Variants in RNPS1 observed in about 807,000 individuals in gnomAD.
The protein encoded by RNPS1 is RNA-binding protein with serine-rich domain 1.
For synonymous variants in RNPS1, 147 were observed against 150.0 expected (o/e 0.98, Z 0.15); for missense variants, 300 against 427.6 (o/e 0.70, Z 2.63).
intron 6 of RNPS1, among the ~76,000 whole-genome samples, chr16:2,261,824 G>C (rs1372874964): frequency 6.6e-6 from 1 of 152,178 alleles, no homozygotes; most frequent in African/African-American, 2.4e-5. Context: ...AATTACCCCA[G>C]CACTCACAGC....
chr16:2,260,700 A>G (rs192351840), intron 6 of RNPS1, among the ~76,000 whole-genome samples: 2 of 152,350 alleles, frequency 1.3e-5, no homozygotes, highest in Non-Finnish European at 2.9e-5. Flanking sequence ...TATCTCAGAT[A>G]AAAGGCCTAT....
intron 6 of RNPS1, chr16:2,258,432 A>G (rs2093588166): frequency 6.6e-6 from 1 of 152,230 alleles, no homozygotes; most frequent in Admixed American, 6.5e-5. Flanking sequence ...CCCACTAAGA[A>G]CTGGAATCCA....
In RNPS1 at chr16:2,262,313, T is replaced by A. The variant is rs751037590; in HGVS notation, c.641A>T (p.Asp214Val). 6 of 1,613,648 alleles carry A rather than the reference T, an allele frequency of 3.7e-6. No homozygotes were observed. The highest frequency in any genetic ancestry group is 1.3e-5 in the African/African-American group (1 of 74,916). ...GTGCTTCAGCGCCTTCTCGGCTTCA[T>A]CTGGATTCTCAAACTCTACGTACGC... Reference protein sequence around the residue: ...GYAYVEFENPDEAEKALKHMD... With the variant: ...GYAYVEFENPVEAEKALKHMD... The change falls in exon 6 of 8, where the codon GAT becomes GTT. Residue 214 changes from aspartate (D) to valine (V), a missense_variant. Transcript: ENST00000320225.
intron 1 of RNPS1, chr16:2,267,043 G>A: frequency 1.5e-5 from 6 of 401,348 alleles, no homozygotes; most frequent in Non-Finnish European, 2.0e-5. Flanking sequence ...AGATCTGCCC[G>A]AATGTACTTG....
intron 1 of RNPS1, chr16:2,266,103 G>C: frequency 5.1e-6 from 5 of 985,262 alleles, no homozygotes; most frequent in Non-Finnish European, 6.0e-6. Flanking sequence ...AGCTACTTCT[G>C]TCTCACCTTC....
intron 6 of RNPS1, chr16:2,257,329 T>A (rs2093583349): frequency 6.6e-6 from 1 of 152,180 alleles, no homozygotes; most frequent in Non-Finnish European, 1.5e-5. Context: ...CTCCGGCATG[T>A]GGCTATGTAT....
Position 2,253,632 on chromosome 16 carries a change from G to T in RNPS1, c.*332C>A. On this transcript the variant is annotated 3_prime_UTR_variant, in exon 8 of 8. Coordinates refer to ENST00000320225, the MANE Select transcript of RNPS1 (RefSeq NM_080594.4). ...GCCACCATCCCAGGTCATCGGGGAAGGGAAAAGTGTGCTCCCAGGTAAGCA... is the reference window on the plus strand; with the variant it reads ...GCCACCATCCCAGGTCATCGGGGAATGGAAAAGTGTGCTCCCAGGTAAGCA... The T allele has an allele frequency of 2.2e-6, 1 of 457,170 alleles. No homozygotes were observed. The highest frequency in any genetic ancestry group is 4.0e-6 in the Non-Finnish European group (1 of 249,412). 28.3% of individuals were successfully genotyped at this position (457,170 alleles called of 1,614,324 possible).
intron 6 of RNPS1, among the ~76,000 whole-genome samples, chr16:2,260,704 G>A (rs1307171415): frequency 6.6e-6 from 1 of 152,072 alleles, no homozygotes; most frequent in Admixed American, 6.6e-5. Context: ...TCAGATAAAA[G>A]GCCTATAGAA....
chr16:2,261,170 A>G (rs984341551), intron 6 of RNPS1, among the ~76,000 whole-genome samples: 5 of 152,070 alleles, frequency 3.3e-5, no homozygotes, highest in Non-Finnish European at 5.9e-5. Context: ...TAGTACACCC[A>G]AATACTGTTC....
intron 6 of RNPS1, chr16:2,256,529 G>A (rs1366326358): frequency 6.6e-6 from 1 of 152,218 alleles, no homozygotes; most frequent in Non-Finnish European, 1.5e-5. Context: ...CGGCACTCTA[G>A]CCTGGGCAAC....
intron 2 of RNPS1, 22 bp from the exon 3 acceptor site, chr16:2,264,353 G>C (rs2093616310): frequency 1.2e-6 from 2 of 1,613,954 alleles, no homozygotes. Context: ...GGAAGAGTGT[G>C]AGATTGCGTG....
chr16:2,264,749 C>T lies in RNPS1; in HGVS notation c.-106G>A. The T allele has an allele frequency of 2.6e-6, 4 of 1,563,224 alleles. No individual in the cohort carries two copies. Among genetic ancestry groups the T allele is most frequent in the Non-Finnish European group, 1.7e-6 (2 of 1,162,436 alleles). On this transcript the variant is annotated 5_prime_UTR_variant, in exon 2 of 8. Coordinates refer to ENST00000320225, the MANE Select transcript of RNPS1 (RefSeq NM_080594.4). ...GATCCCTAATCGATTGCAATTTACG[C>T]CAAAGAGCAGCCTAATAACAAGATA...
At chr16:2,262,126 T>C (rs903330532) in intron 6 of RNPS1, 152 bp downstream of exon 6, 9 of 649,408 alleles carry the variant, frequency 1.4e-5, no homozygotes, top group Admixed American at 6.4e-5. Flanking sequence ...AACCTCAGTT[T>C]GGTCCAGGAA....
intron 1 of RNPS1, chr16:2,266,767 C>T (rs2093626693): frequency 1.3e-5 from 12 of 927,690 alleles, no homozygotes; most frequent in Non-Finnish European, 1.5e-5. Flanking sequence ...TTAGTAGCCA[C>T]GTCACAAAAA....
intron 4 of RNPS1, 82 bp downstream of exon 4, chr16:2,263,014 T>C (rs2093609476): frequency 6.8e-7 from 1 of 1,475,558 alleles, no homozygotes; most frequent in Non-Finnish European, 9.3e-7. Context: ...GAAAGACTCC[T>C]TTTGGGTCCC....
At chr16:2,266,271 G>C (rs1567329877) in intron 1 of RNPS1, 1 of 985,356 alleles carries the variant, frequency 1.0e-6, no homozygotes, top group Non-Finnish European at 1.2e-6. Context: ...GAGCCAAGGA[G>C]GGCCGAACGC....
At chr16:2,267,743 G>A (rs1352252273) in intron 1 of RNPS1, 5 of 1,298,542 alleles carry the variant, frequency 3.9e-6, no homozygotes, top group Non-Finnish European at 4.9e-6. Context: ...CGGCCCGGCG[G>A]GAGGGCCCCA....
intron 7 of RNPS1, among the ~76,000 whole-genome samples, chr16:2,254,696 G>A (rs1267050990): frequency 6.6e-6 from 1 of 150,830 alleles, no homozygotes; most frequent in Non-Finnish European, 1.5e-5. Flanking sequence ...CTCCCAAAGT[G>A]CTGGGATTAC....
chr16:2,267,564 G>T, intron 1 of RNPS1: 1 of 1,054,484 alleles, frequency 9.5e-7, no homozygotes, highest in Non-Finnish European at 1.1e-6. Context: ...CCGAAGGGGG[G>T]ATCGGCCGAC....
Sources: allele counts gnomAD v4.1 joint callset (sites outside exome capture counted in the v4.1 genomes callset), GRCh38; gene constraint gnomAD v4.1.1; transcripts MANE v1.5; gene names NCBI Gene and HGNC (gene_info 2026-07-23, HGNC 2026-07-21).